CDK14: variants seen among roughly 807,000 people sequenced by gnomAD.
The protein encoded by CDK14 is cyclin dependent kinase 14, also known as cyclin-dependent kinase 14.
CDK14 carries 34 observed loss-of-function variants against 60.7 expected under a neutral mutation model. That is an observed-to-expected ratio of 0.56 (90% confidence interval 0.43 to 0.75). The LOEUF (loss-of-function observed/expected upper bound fraction) is 0.75. CDK14 is among the 30% of genes least tolerant of loss of function. The pLI, the probability that CDK14 is intolerant of heterozygous loss-of-function variation, is 0.00. For missense variants in CDK14, 482 were observed against 564.1 expected, an observed-to-expected ratio of 0.85 and a Z score of 1.47; for synonymous variants, 197 against 203.7, an observed-to-expected ratio of 0.97 and a Z score of 0.28.
intron 2 of CDK14, among the ~76,000 whole-genome samples, chr7:90,658,114 A>G (rs2116495549): frequency 6.6e-6 from 1 of 152,116 alleles, no homozygotes; most frequent in South Asian, 2.1e-4. Context: ...TCCTCCCACA[A>G]CCCCTGGCAA....
intron 4 of CDK14, among the ~76,000 whole-genome samples, chr7:90,788,539 C>T (rs944773988): frequency 3.9e-5 from 6 of 152,328 alleles, no homozygotes; most frequent in Middle Eastern, 3.4e-3. Flanking sequence ...AGAAACACAA[C>T]TCCTGACCTT....
intron 6 of CDK14, among the ~76,000 whole-genome samples, chr7:90,863,668 A>ATGTGTGTGTGTGTGTGTGTGTGTG (rs549142223): frequency 4.1e-5 from 2 of 48,848 alleles, no homozygotes; most frequent in South Asian, 1.9e-3. Context: ...GCTTATTAAG[A>ATGTGTGTGTGTGTGTGTGTGTGTG]TATGTGTGTG....
intron 14 of CDK14, among the ~76,000 whole-genome samples, chr7:91,170,842 C>T (rs970874708): frequency 1.3e-5 from 2 of 149,730 alleles, no homozygotes; most frequent in African/African-American, 4.9e-5. Context: ...TCTCAGCTCA[C>T]TGCAACCTCC....
intron 4 of CDK14, among the ~76,000 whole-genome samples, chr7:90,768,126 T>G (rs1804640938): frequency 6.6e-6 from 1 of 152,234 alleles, no homozygotes; most frequent in Non-Finnish European, 1.5e-5. Flanking sequence ...CCATTGACCC[T>G]CTGTTAAAAA....
chr7:90,740,354 A>G (rs1469460466), intron 3 of CDK14, among the ~76,000 whole-genome samples: 1 of 151,940 alleles, frequency 6.6e-6, no homozygotes, highest in African/African-American at 2.4e-5. Flanking sequence ...CTTAAAATTC[A>G]TATGTTGAAG....
chr7:91,043,859 G>A lies in CDK14; in HGVS notation c.1042-2038G>A, dbSNP rs187156193. On this transcript the variant is annotated intron_variant, in intron 10 of 14. Coordinates refer to ENST00000380050, the MANE Select transcript of CDK14 (RefSeq NM_001287135.2). ...ATTTAATCCTGATTCACCAGAGTAG[G>A]AAGCAGGGAGTTTGGCACTTACTGT... Among the ~76,000 whole-genome samples the A allele has an allele frequency of 2.0e-5, 3 of 152,292 alleles. No individual in the cohort carries two copies. In the East Asian group the frequency reaches 5.8e-4, roughly 29 times the overall value.
chr7:90,835,833 G>A (rs1002839014), intron 5 of CDK14, among the ~76,000 whole-genome samples: 2 of 152,188 alleles, frequency 1.3e-5, no homozygotes, highest in African/African-American at 2.4e-5. Context: ...TATAGATGGT[G>A]CAGCTTTGTA....
At position 90,625,037 on chromosome 7, in the gene CDK14, C is replaced by G. The variant is rs987399434; in HGVS notation, c.123+20788C>G. ...AAAACGTGTAAAACACTTAAAACGG[C>G]GAATGGCTCATAGTAAATTCTCTAC... On this transcript the variant is annotated intron_variant, in intron 2 of 14. Coordinates refer to ENST00000380050, the MANE Select transcript of CDK14 (RefSeq NM_001287135.2). Among the ~76,000 whole-genome samples the G allele has an allele frequency of 7.2e-5, 11 of 152,116 alleles. No homozygotes were observed. The South Asian group carries it at 1.7e-3, about 23-fold the overall frequency.
chr7:90,899,489 C>A, intron 7 of CDK14, 136 bp downstream of exon 7: 1 of 502,652 alleles, frequency 2.0e-6, no homozygotes, highest in Non-Finnish European at 3.4e-6. Flanking sequence ...TGAGGTGAAC[C>A]AGTCATTGCT....
In CDK14 at chr7:90,750,860, G is replaced by A. The variant is rs559054990; in HGVS notation, c.464+3085G>A. The stretch of plus-strand genomic sequence containing the variant: ...TGCACTCCAGCCTGGGCAACAGAGC[G>A]AGACTGTCTCCAAAAAAAAAGAAAA... On this transcript the variant is annotated intron_variant, in intron 4 of 14. Coordinates refer to ENST00000380050, the MANE Select transcript of CDK14 (RefSeq NM_001287135.2). Among the ~76,000 whole-genome samples the A allele has an allele frequency of 2.3e-4, 35 of 151,370 alleles. No homozygotes were observed. The East Asian group carries it at 6.0e-3, about 26-fold the overall frequency.
chr7:90,886,782 A>G (rs982455125), intron 6 of CDK14, among the ~76,000 whole-genome samples: 1 of 152,162 alleles, frequency 6.6e-6, no homozygotes, highest in Non-Finnish European at 1.5e-5. Flanking sequence ...GAAAGTTATT[A>G]TTTTTGAAAG....
chr7:90,603,862 C>G (rs1308463326), intron 1 of CDK14, among the ~76,000 whole-genome samples: 1 of 152,078 alleles, frequency 6.6e-6, no homozygotes, highest in African/African-American at 2.4e-5. Context: ...TTCTCAAAAC[C>G]CAGGAGTTTA....
chr7:90,630,888 A>ATGTGTGTGTGTGTGTG (rs55859300), intron 2 of CDK14, among the ~76,000 whole-genome samples: 6,496 of 148,378 alleles, frequency 0.044, 172 homozygotes, highest in East Asian at 0.09. Context: ...TGGGGTGTGT[A>ATGTGTGTGTGTGTGTG]TGTGTGTGTG....
chr7:90,709,529 G>A, intron 2 of CDK14: 1 of 1,612,456 alleles, frequency 6.2e-7, no homozygotes, highest in Non-Finnish European at 8.5e-7. Context: ...GTTGTGAATT[G>A]CCTTGACAGC....
chr7:91,018,424 TC>T (rs2115858832), intron 10 of CDK14, among the ~76,000 whole-genome samples: 1 of 152,284 alleles, frequency 6.6e-6, no homozygotes, highest in African/African-American at 2.4e-5. Context: ...ATATTTGGTA[TC>T]TGATGAGGGC....
At chr7:90,817,776 C>T (rs945445981) in intron 5 of CDK14, among the ~76,000 whole-genome samples, 2 of 152,090 alleles carry the variant, frequency 1.3e-5, no homozygotes, top group South Asian at 2.1e-4. Flanking sequence ...GATTGTAAGC[C>T]GTTAGGAAGC....
chr7:90,820,582 C>CCCCA (rs1322932601), intron 5 of CDK14, among the ~76,000 whole-genome samples: 1 of 152,148 alleles, frequency 6.6e-6, no homozygotes, highest in African/African-American at 2.4e-5. Context: ...CTGAGGCCTC[C>CCCCA]CCAGCCATGT....
chr7:90,813,060 T>C (rs984678317), intron 5 of CDK14, among the ~76,000 whole-genome samples: 1 of 152,238 alleles, frequency 6.6e-6, no homozygotes, highest in Non-Finnish European at 1.5e-5. Flanking sequence ...ATATGGTATA[T>C]TTGTACAGCA....
intron 2 of CDK14, among the ~76,000 whole-genome samples, chr7:90,678,714 A>G (rs896602960): frequency 1.3e-5 from 2 of 152,116 alleles, no homozygotes; most frequent in African/African-American, 4.8e-5. Flanking sequence ...TAATCACCAT[A>G]TAAACTCAGA....
Sources: gnomAD v4.1 joint callset for allele counts (sites outside exome capture counted in the v4.1 genomes callset) on GRCh38, gnomAD v4.1.1 for gene constraint, MANE v1.5 for transcripts, NCBI Gene and HGNC (gene_info 2026-07-23, HGNC 2026-07-21) for gene names.